Variants in PPP1R9A observed in about 807,000 individuals in gnomAD.
PPP1R9A encodes protein phosphatase 1 regulatory subunit 9A, also known as neurabin-1.
In PPP1R9A, 59 loss-of-function variants were observed where a neutral mutation model predicts 141.9. That is an observed-to-expected ratio of 0.42 (90% confidence interval 0.34 to 0.52). The LOEUF (loss-of-function observed/expected upper bound fraction) is 0.52. PPP1R9A is among the 20% of genes least tolerant of loss of function. PPP1R9A has a pLI of 0.10. For missense variants in PPP1R9A, 1,444 were observed against 1,611.9 expected (o/e 0.90, Z 1.78); for synonymous variants, 500 against 569.7 (o/e 0.88, Z 1.74).
At chr7:95,116,018 A>G (rs1175715380) in intron 3 of PPP1R9A, among the ~76,000 whole-genome samples, 1 of 152,126 alleles carries the variant, frequency 6.6e-6, no homozygotes, top group Non-Finnish European at 1.5e-5. Context: ...TCCACATACA[A>G]TTTAAAGGAA....
At chr7:94,943,241 G>A (rs1442273705) in intron 2 of PPP1R9A, among the ~76,000 whole-genome samples, 3 of 152,092 alleles carry the variant, frequency 2.0e-5, no homozygotes, top group African/African-American at 7.2e-5. Flanking sequence ...TAAACTATAG[G>A]CCATTAAATA....
At chr7:94,993,687 G>A (rs559023604) in intron 2 of PPP1R9A, among the ~76,000 whole-genome samples, 32 of 151,742 alleles carry the variant, frequency 2.1e-4, no homozygotes, top group African/African-American at 6.8e-4. Flanking sequence ...TTCAATTTTC[G>A]GTGCTAGTAT....
intron 2 of PPP1R9A, among the ~76,000 whole-genome samples, chr7:95,091,229 T>C (rs1817300206): frequency 6.6e-6 from 1 of 151,944 alleles, no homozygotes; most frequent in African/African-American, 2.4e-5. Context: ...TTAGGTCAGC[T>C]TATACTAAAG....
intron 3 of PPP1R9A, among the ~76,000 whole-genome samples, chr7:95,118,600 G>T (rs1205235335): frequency 6.6e-6 from 1 of 152,094 alleles, no homozygotes. Context: ...ATTGTCAGGT[G>T]TACTTGGAAA....
At chr7:95,136,296 TATTAA>T (rs1439666227) in intron 4 of PPP1R9A, among the ~76,000 whole-genome samples, 29 of 152,120 alleles carry the variant, frequency 1.9e-4, no homozygotes, top group African/African-American at 6.3e-4. Flanking sequence ...TACAACTAAA[TATTAA>T]ATTATGTGGT....
At chr7:95,127,182 C>T (rs573387000) in intron 4 of PPP1R9A, among the ~76,000 whole-genome samples, 2 of 152,260 alleles carry the variant, frequency 1.3e-5, no homozygotes, top group South Asian at 2.1e-4. Flanking sequence ...TTTATTTCCT[C>T]ATTTTTTTAA....
chr7:95,280,521 G>T (rs913356498), intron 16 of PPP1R9A, among the ~76,000 whole-genome samples: 2 of 152,198 alleles, frequency 1.3e-5, no homozygotes, highest in African/African-American at 4.8e-5. Flanking sequence ...ACTTATAAGA[G>T]ATATTACATA....
intron 2 of PPP1R9A, among the ~76,000 whole-genome samples, chr7:94,941,827 A>G (rs1445730274): frequency 6.6e-6 from 1 of 152,080 alleles, no homozygotes; most frequent in Non-Finnish European, 1.5e-5. Context: ...TGAAATAGAC[A>G]AGAGAATGAA....
intron 2 of PPP1R9A, among the ~76,000 whole-genome samples, chr7:95,080,807 G>A (rs1171364237): frequency 6.6e-6 from 1 of 152,092 alleles, no homozygotes; most frequent in African/African-American, 2.4e-5. Flanking sequence ...ATTTTTGGGT[G>A]GCATATTCTG....
intron 2 of PPP1R9A, among the ~76,000 whole-genome samples, chr7:95,074,637 G>A (rs1355466996): frequency 6.6e-6 from 1 of 151,908 alleles, no homozygotes; most frequent in Non-Finnish European, 1.5e-5. Context: ...ACCACGCCCA[G>A]CTAATTTTGT....
At chr7:95,112,536 G>T (rs1323904311) in intron 3 of PPP1R9A, among the ~76,000 whole-genome samples, 1 of 152,174 alleles carries the variant, frequency 6.6e-6, no homozygotes, top group African/African-American at 2.4e-5. Context: ...ACTATCATTT[G>T]ACCAAGCACT....
chr7:95,080,083 G>T (rs1040291284), intron 2 of PPP1R9A, among the ~76,000 whole-genome samples: 12 of 152,070 alleles, frequency 7.9e-5, no homozygotes, highest in African/African-American at 2.9e-4. Context: ...GGAAGTTCTG[G>T]CCAGGGCAAT....
intron 7 of PPP1R9A, chr7:95,214,425 G>A (rs1792841205): frequency 6.6e-6 from 1 of 152,210 alleles, no homozygotes; most frequent in African/African-American, 2.4e-5. Context: ...TTGGGATGTG[G>A]GCCTCTCCCT....
intron 8 of PPP1R9A, among the ~76,000 whole-genome samples, chr7:95,233,296 A>G (rs1444644400): frequency 6.6e-6 from 1 of 151,612 alleles, no homozygotes; most frequent in Non-Finnish European, 1.5e-5. Context: ...ACATGTTCTC[A>G]CTCATAAGTG....
At chr7:95,133,828 C>T (rs1353072816) in intron 4 of PPP1R9A, among the ~76,000 whole-genome samples, 1 of 151,904 alleles carries the variant, frequency 6.6e-6, no homozygotes, top group African/African-American at 2.4e-5. Flanking sequence ...TAGTTGGGAC[C>T]ACATGTGCAC....
intron 14 of PPP1R9A, among the ~76,000 whole-genome samples, chr7:95,271,065 A>G (rs1802095720): frequency 6.6e-6 from 1 of 152,182 alleles, no homozygotes; most frequent in Non-Finnish European, 1.5e-5. Context: ...AGGAGGGAAT[A>G]GCGGGTAAAG....
At chr7:95,245,981 A>G (rs1798068139) in intron 8 of PPP1R9A, among the ~76,000 whole-genome samples, 1 of 152,148 alleles carries the variant, frequency 6.6e-6, no homozygotes, top group African/African-American at 2.4e-5. Context: ...AAAAGTTTCA[A>G]AATCACTCTC....
intron 2 of PPP1R9A, chr7:95,035,824 G>A (rs187199031): frequency 2.6e-5 from 4 of 152,048 alleles, no homozygotes; most frequent in Admixed American, 6.6e-5. Context: ...AATGTCAGTC[G>A]TACGATTTTC....
At chr7:94,983,295 A>G (rs1318196751) in intron 2 of PPP1R9A, among the ~76,000 whole-genome samples, 1 of 151,998 alleles carries the variant, frequency 6.6e-6, no homozygotes, top group Non-Finnish European at 1.5e-5. Flanking sequence ...TTTGCTTAGG[A>G]TTGTCTTGGC....
Sources: gnomAD v4.1 joint callset for allele counts (sites outside exome capture counted in the v4.1 genomes callset) on GRCh38, gnomAD v4.1.1 for gene constraint, MANE v1.5 for transcripts, NCBI Gene and HGNC (gene_info 2026-07-23, HGNC 2026-07-21) for gene names.